The following CACNA1A variants were observed in gnomAD, a reference collection of about 807,000 sequenced individuals.
The protein encoded by CACNA1A is calcium voltage-gated channel subunit alpha1 A, also known as voltage-dependent P/Q-type calcium channel subunit alpha-1A.
Under a neutral mutation model 262.4 loss-of-function variants are expected in CACNA1A, and 57 were observed. The observed-to-expected ratio is 0.22, with a 90% CI of 0.18 to 0.27. The LOEUF is 0.27. Among genes scored for constraint, CACNA1A ranks in the 10% least tolerant of loss-of-function variants. The probability of loss-of-function intolerance (pLI) is 1.00; values close to 1 mark genes in which losing one functional copy is unlikely to be tolerated. For missense variants in CACNA1A, 2,526 were observed against 3,562.8 expected, an observed-to-expected ratio of 0.71 and a Z score of 7.41; for synonymous variants, 1,431 against 1,419.3, an observed-to-expected ratio of 1.01 and a Z score of -0.18.
At chr19:13,438,154 G>A (rs763904138) in intron 3 of CACNA1A, among the ~76,000 whole-genome samples, 71 of 152,074 alleles carry the variant, frequency 4.7e-4, no homozygotes, top group Non-Finnish European at 7.9e-4. Flanking sequence ...GTAATGACAC[G>A]TCATCTACAT....
chr19:13,453,811 T>A (rs866712454), intron 2 of CACNA1A, among the ~76,000 whole-genome samples: 5 of 151,902 alleles, frequency 3.3e-5, no homozygotes, highest in Middle Eastern at 3.4e-3. Context: ...CCTGAATGAT[T>A]TTTTTTTTCC....
intron 15 of CACNA1A, among the ~76,000 whole-genome samples, chr19:13,305,600 T>C (rs1158575061): frequency 6.6e-6 from 1 of 152,192 alleles, no homozygotes; most frequent in African/African-American, 2.4e-5. Context: ...TTGTAGGATA[T>C]TGAGCAGCAT....
Position 13,207,029 on chromosome 19 carries a change from G to GTGGT in CACNA1A, c.*280_*283dup. The GTGGT allele has an allele frequency of 5.0e-6, 1 of 198,244 alleles. No homozygotes were observed. The highest frequency in any genetic ancestry group is 9.5e-6 in the Non-Finnish European group (1 of 105,520). The allele number at this position is 198,244 out of a possible 1,614,324, so 12.3% of individuals were successfully genotyped here. On this transcript the variant is annotated 3_prime_UTR_variant, in exon 47 of 47. Transcript: ENST00000360228. This position sits in a 1 kb window ranked among gnomAD's most constrained non-coding sequence, Gnocchi z 5.7. ...GAGTTAATTCAAATCCCTTGGCTGT[G>GTGGT]TGGTTTGTCTGCTCCCTGCCTCCCA...
chr19:13,390,035 G>C (rs968332923), intron 3 of CACNA1A, among the ~76,000 whole-genome samples: 1 of 151,316 alleles, frequency 6.6e-6, no homozygotes, highest in African/African-American at 2.4e-5. Flanking sequence ...GGGTGGTCTC[G>C]ATCTCCTGAC....
At chr19:13,302,811 T>G (rs1053426209) in intron 17 of CACNA1A, among the ~76,000 whole-genome samples, 3 of 152,190 alleles carry the variant, frequency 2.0e-5, no homozygotes, top group African/African-American at 7.2e-5. Flanking sequence ...TCTCTCTCCC[T>G]CCTGCCAGGG....
intron 43 of CACNA1A, chr19:13,211,880 A>C: frequency 1.1e-5 from 6 of 522,500 alleles, no homozygotes; most frequent in Non-Finnish European, 1.4e-5. Flanking sequence ...CCCCAGGGGG[A>C]GCACTTTCCT....
intron 6 of CACNA1A, among the ~76,000 whole-genome samples, chr19:13,347,067 G>GA (rs1555770841): frequency 7.2e-6 from 1 of 138,606 alleles, no homozygotes. Flanking sequence ...TTGTTTTTTT[G>GA]TTTTTTTTTT....
At chr19:13,257,195 C>A in intron 28 of CACNA1A, 155 bp downstream of exon 28, 1 of 612,870 alleles carries the variant, frequency 1.6e-6, no homozygotes. Flanking sequence ...CTGGAAACTC[C>A]ATGAAGGGCT....
At chr19:13,338,695 C>A (rs138409647) in intron 6 of CACNA1A, among the ~76,000 whole-genome samples, 1 of 151,966 alleles carries the variant, frequency 6.6e-6, no homozygotes, top group East Asian at 1.9e-4. Context: ...GGTACCCTTG[C>A]GGGGAGGTAG....
intron 38 of CACNA1A, among the ~76,000 whole-genome samples, chr19:13,221,210 G>GC (rs2055202620): frequency 4.5e-5 from 1 of 22,438 alleles, no homozygotes; most frequent in African/African-American, 2.6e-4. Flanking sequence ...GGTCCCATTT[G>GC]TTTTTTCTTT....
intron 4 of CACNA1A, 127 bp from the exon 5 acceptor site, chr19:13,365,596 G>A (rs2059195761): frequency 2.8e-6 from 2 of 726,702 alleles, no homozygotes; most frequent in African/African-American, 1.8e-5. Context: ...GCACCCAGGA[G>A]CCTGGGGATT....
At chr19:13,417,863 C>G (rs1011112775) in intron 3 of CACNA1A, among the ~76,000 whole-genome samples, 1 of 143,956 alleles carries the variant, frequency 6.9e-6, no homozygotes, top group South Asian at 2.2e-4. Context: ...GCACTCCAGC[C>G]TGGGTGACAG....
intron 3 of CACNA1A, among the ~76,000 whole-genome samples, chr19:13,406,483 A>T (rs1268793256): frequency 1.1e-5 from 1 of 93,430 alleles, no homozygotes; most frequent in Non-Finnish European, 2.1e-5. Flanking sequence ...ATATATATAT[A>T]TATATATATA....
At position 13,359,611 on chromosome 19, in the gene CACNA1A, AGAG is replaced by A; in HGVS notation, c.970_972del (p.Leu324del). ...ACTGTCCCAGCATCACTTACATTGT[AGAG>A]GAGATCAGTCCACCCTTCCATGGTT... is the stretch of plus-strand genomic sequence containing the variant. On this transcript the variant is annotated inframe_deletion, in exon 6 of 47. Transcript: ENST00000360228. 1 of 1,608,840 alleles carries A rather than the reference AGAG, an allele frequency of 6.2e-7. No homozygotes were observed. Among genetic ancestry groups the A allele is most frequent in the Non-Finnish European group, 8.5e-7 (1 of 1,176,712 alleles).
At chr19:13,369,538 T>C (rs2059281186) in intron 4 of CACNA1A, among the ~76,000 whole-genome samples, 2 of 152,360 alleles carry the variant, frequency 1.3e-5, no homozygotes, top group South Asian at 4.1e-4. Flanking sequence ...AAACCTCAGC[T>C]TCTCCATCTG....
At chr19:13,402,885 TA>T (rs2059932202) in intron 3 of CACNA1A, among the ~76,000 whole-genome samples, 1 of 85,512 alleles carries the variant, frequency 1.2e-5, no homozygotes, top group African/African-American at 6.2e-5. Flanking sequence ...TATATATATA[TA>T]TATATATATA....
intron 6 of CACNA1A, among the ~76,000 whole-genome samples, chr19:13,349,007 C>CAAAAAAAA (rs60884577): frequency 1.5e-4 from 9 of 59,662 alleles, no homozygotes; most frequent in African/African-American, 4.9e-4. Flanking sequence ...GACGCTGTCT[C>CAAAAAAAA]AAAAAAAAAA....
chr19:13,240,822 C>T (rs2056060682), intron 31 of CACNA1A, among the ~76,000 whole-genome samples: 1 of 152,168 alleles, frequency 6.6e-6, no homozygotes, highest in South Asian at 2.1e-4. Flanking sequence ...TGTGCAGTGT[C>T]TGTGTGCAGT....
rs533919753 is a variant in CACNA1A at position 13,241,214 on chromosome 19, C to T, written c.4950+3968G>A. Reference sequence around the variant, plus strand: ...TCTCTGAGTGTAGGGGATGTGTGTGCGGGATGGGGCAAGAGAGAGGTGCTG... The same window carrying T: ...TCTCTGAGTGTAGGGGATGTGTGTGTGGGATGGGGCAAGAGAGAGGTGCTG... On this transcript the variant is annotated intron_variant, in intron 31 of 46. Transcript: ENST00000360228. This position sits in a 1 kb window ranked among gnomAD's most constrained non-coding sequence, Gnocchi z 4.0. Among the ~76,000 whole-genome samples the T allele has an allele frequency of 1.3e-5, 2 of 152,110 alleles. No individual in the cohort carries two copies. The highest frequency in any genetic ancestry group is 2.4e-5 in the African/African-American group (1 of 41,502).
Sources: allele counts gnomAD v4.1 joint callset (sites outside exome capture counted in the v4.1 genomes callset), GRCh38; gene constraint gnomAD v4.1.1; non-coding constraint Gnocchi (gnomAD v3.1); transcripts MANE v1.5; gene names NCBI Gene and HGNC (gene_info 2026-07-23, HGNC 2026-07-21).